Variants in MIR2052HG observed in about 807,000 individuals in gnomAD.
MIR2052HG encodes MIR2052 host gene.
intron 4 of MIR2052HG, among the ~76,000 whole-genome samples, chr8:74,711,230 C>T (rs2128741763): frequency 1.3e-5 from 2 of 152,292 alleles, no homozygotes; most frequent in South Asian, 4.1e-4. Flanking sequence ...CTCTGTGCAT[C>T]TGCACTGCCC....
chr8:74,700,181 C>A (rs1276292084), intron 2 of MIR2052HG, among the ~76,000 whole-genome samples: 1 of 152,140 alleles, frequency 6.6e-6, no homozygotes, highest in African/African-American at 2.4e-5. Context: ...AATGTATGAG[C>A]ACATGCTGTG....
intron 2 of MIR2052HG, among the ~76,000 whole-genome samples, chr8:74,624,270 T>C (rs1808405770): frequency 6.6e-6 from 1 of 152,234 alleles, no homozygotes; most frequent in Non-Finnish European, 1.5e-5. Context: ...TCCACATCAC[T>C]GGTACCACAG....
intron 1 of MIR2052HG, chr8:74,603,900 T>C (rs2128730421): frequency 9.1e-7 from 1 of 1,101,536 alleles, no homozygotes; most frequent in Non-Finnish European, 1.4e-6. Context: ...TGCAACCACC[T>C]TTTCCAATGA....
intron 2 of MIR2052HG, among the ~76,000 whole-genome samples, chr8:74,658,869 C>G (rs1198671940): frequency 2.0e-5 from 3 of 152,126 alleles, no homozygotes; most frequent in Admixed American, 6.5e-5. Flanking sequence ...GGCCACTGGA[C>G]AAAGTAGGCA....
At chr8:74,662,400 A>G (rs551334537) in intron 2 of MIR2052HG, among the ~76,000 whole-genome samples, 2 of 151,426 alleles carry the variant, frequency 1.3e-5, no homozygotes, top group East Asian at 3.9e-4. Context: ...ACACATGGAC[A>G]CAGGGAGGCG....
chr8:74,612,684 T>G, intron 1 of MIR2052HG: 1 of 331,406 alleles, frequency 3.0e-6, no homozygotes, highest in Non-Finnish European at 6.0e-6. Context: ...ACCATTTGTC[T>G]GAATAACTAA....
intron 4 of MIR2052HG, among the ~76,000 whole-genome samples, chr8:74,752,148 G>A (rs1264629692): frequency 2.0e-5 from 3 of 151,840 alleles, no homozygotes; most frequent in African/African-American, 7.3e-5. Context: ...TGGGCATGGT[G>A]GCCTCTGCCT....
Position 74,603,158 on chromosome 8 carries a change from T to G in MIR2052HG, n.128+3250T>G, listed in dbSNP as rs1205055375. ...TAAGTAAAAAATCACGAGTGGATGA[T>G]AAAGTGTGTAGAAACTGAAAATTTA... On this transcript the variant is annotated intron_variant and non_coding_transcript_variant, in intron 1 of 6. Transcript: ENST00000523442. 8.2e-6 allele frequency: 6 copies of G among 728,696 alleles called. 1 individual carries two copies. The Admixed American group carries it at 1.0e-4, about 13-fold the overall frequency. The allele number at this position is 728,696 out of a possible 1,614,324, so 45.1% of individuals were successfully genotyped here.
intron 2 of MIR2052HG, among the ~76,000 whole-genome samples, chr8:74,648,956 G>A (rs1346334834): frequency 6.6e-6 from 1 of 152,024 alleles, no homozygotes; most frequent in Non-Finnish European, 1.5e-5. Flanking sequence ...AGGAAAGAAA[G>A]GACACACACT....
At chr8:74,649,992 T>C (rs751330485) in intron 2 of MIR2052HG, among the ~76,000 whole-genome samples, 5 of 152,188 alleles carry the variant, frequency 3.3e-5, no homozygotes, top group Non-Finnish European at 5.9e-5. Context: ...ATTTTTAGTA[T>C]GATTTAATGC....
At chr8:74,677,676 T>G (rs1489752557) in intron 2 of MIR2052HG, among the ~76,000 whole-genome samples, 1 of 152,150 alleles carries the variant, frequency 6.6e-6, no homozygotes, top group African/African-American at 2.4e-5. Flanking sequence ...AGACTTATAG[T>G]ATAGTATGCA....
intron 2 of MIR2052HG, among the ~76,000 whole-genome samples, chr8:74,677,174 T>C (rs1490595006): frequency 6.6e-6 from 1 of 152,032 alleles, no homozygotes; most frequent in Non-Finnish European, 1.5e-5. Context: ...CTACATGCAC[T>C]AATAAAATCA....
chr8:74,662,444 G>A (rs1808875564), intron 2 of MIR2052HG, among the ~76,000 whole-genome samples: 1 of 151,994 alleles, frequency 6.6e-6, no homozygotes, highest in African/African-American at 2.4e-5. Context: ...GAGGGGTGGG[G>A]GGCAAGGGGA....
chr8:74,685,477 A>T (rs746393903), intron 2 of MIR2052HG, among the ~76,000 whole-genome samples: 1 of 152,118 alleles, frequency 6.6e-6, no homozygotes, highest in Non-Finnish European at 1.5e-5. Context: ...AATGTTCACA[A>T]CCATGTGTGG....
At chr8:74,609,542 C>G (rs565667946) in intron 1 of MIR2052HG, among the ~76,000 whole-genome samples, 82 of 151,688 alleles carry the variant, frequency 5.4e-4, no homozygotes, top group Middle Eastern at 3.4e-3. Context: ...ACAAACCTTT[C>G]TAACAAAATT....
At chr8:74,712,713 T>TA (rs1158528586) in intron 4 of MIR2052HG, among the ~76,000 whole-genome samples, 2 of 151,752 alleles carry the variant, frequency 1.3e-5, no homozygotes, top group South Asian at 2.1e-4. Context: ...TTTTTTTTTT[T>TA]TATAAATCTA....
chr8:74,649,530 C>CATAT (rs199851979), intron 2 of MIR2052HG, among the ~76,000 whole-genome samples: 8 of 151,516 alleles, frequency 5.3e-5, no homozygotes, highest in African/African-American at 1.9e-4. Context: ...TATATACCTA[C>CATAT]ATATATATAT....
intron 2 of MIR2052HG, among the ~76,000 whole-genome samples, chr8:74,647,847 G>A (rs569539462): frequency 3.0e-4 from 45 of 152,198 alleles, no homozygotes; most frequent in African/African-American, 1.1e-3. Flanking sequence ...ATATTTCAGG[G>A]ACATTTATCA....
chr8:74,603,875 G>A (rs145127984), intron 1 of MIR2052HG: 16 of 1,055,684 alleles, frequency 1.5e-5, no homozygotes, highest in Non-Finnish European at 2.1e-5. Flanking sequence ...GTACTCTCTC[G>A]TATTTCCTTG....
Sources: gnomAD v4.1 joint callset for allele counts (sites outside exome capture counted in the v4.1 genomes callset) on GRCh38, gnomAD v4.1.1 for gene constraint, MANE v1.5 for transcripts, NCBI Gene and HGNC (gene_info 2026-07-23, HGNC 2026-07-21) for gene names.